Variants in ZFHX2 observed in about 807,000 individuals in gnomAD.
ZFHX2 encodes zinc finger homeobox protein 2.
A neutral mutation model predicts 164.8 loss-of-function variants in ZFHX2; 75 were observed. That is an observed-to-expected ratio of 0.46 (90% CI 0.38 to 0.55). The LOEUF is 0.55. Among genes scored for constraint, ZFHX2 ranks in the 20% least tolerant of loss-of-function variants. ZFHX2 has a pLI of 0.00. For synonymous variants in ZFHX2, 1,217 were observed against 1,351.4 expected, an observed-to-expected ratio of 0.90 and a Z score of 2.18; for missense variants, 2,933 against 3,308.0, an observed-to-expected ratio of 0.89 and a Z score of 2.78.
At chr14:23,545,561 AC>A (rs1881304414) in intron 1 of ZFHX2, among the ~76,000 whole-genome samples, 1 of 152,064 alleles carries the variant, frequency 6.6e-6, no homozygotes, top group Non-Finnish European at 1.5e-5. Context: ...TCTTTCCAGA[AC>A]CTCTTTCTCA....
intron 1 of ZFHX2, among the ~76,000 whole-genome samples, chr14:23,536,038 C>T (rs1880107005): frequency 6.6e-6 from 1 of 152,192 alleles, no homozygotes; most frequent in African/African-American, 2.4e-5. Flanking sequence ...TCAACAGCAA[C>T]TTCTAAAACA....
In ZFHX2 at chr14:23,527,709, T is replaced by A; in HGVS notation, c.3030A>T (p.Arg1010Ser). The A allele has an allele frequency of 6.5e-7, 1 of 1,536,200 alleles. No individual in the cohort carries two copies. Among genetic ancestry groups the A allele is most frequent in the Non-Finnish European group, 8.7e-7 (1 of 1,146,916 alleles). ...LSQHAVQPKY[R>S]CPLCQEQLVG... Reference sequence around the variant, plus strand: ...CCAGCTGTTCCTGGCACAGTGGGCATCTGTACTTGGGCTGCACTGCATGCT... The same window carrying A: ...CCAGCTGTTCCTGGCACAGTGGGCAACTGTACTTGGGCTGCACTGCATGCT... Residue 1010 changes from arginine to serine, a missense_variant, in exon 7 of 10, where the codon AGA becomes AGT. Transcript: ENST00000419474.
At chr14:23,545,338 C>T (rs1396466350) in intron 1 of ZFHX2, among the ~76,000 whole-genome samples, 3 of 152,226 alleles carry the variant, frequency 2.0e-5, no homozygotes, top group South Asian at 4.1e-4. Flanking sequence ...CACAACCACT[C>T]GTCCGCCCTC....
In ZFHX2 at chr14:23,524,480, G is replaced by T; in HGVS notation, c.5462C>A (p.Ala1821Asp). ...AGGTGGACCTGGCATTGGTGAGGTG[G>T]CTGCCACCAGGGGGTTTCTCTCCCC... Reference protein sequence around the residue: ...VFGERNPLVAATSPMPGPPLK... With the variant: ...VFGERNPLVADTSPMPGPPLK... Residue 1821 changes from alanine to aspartate, a missense_variant, in exon 9 of 10, where the codon GCC becomes GAC. Transcript: ENST00000419474. The surrounding 1 kb of genome is among the most constrained non-coding windows in gnomAD (Gnocchi z 5.6). The T allele has an allele frequency of 6.5e-7, 1 of 1,531,770 alleles. No homozygotes were observed. The highest frequency in any genetic ancestry group is 1.2e-5 in the South Asian group (1 of 83,272). 94.9% of individuals were successfully genotyped at this position (1,531,770 alleles called of 1,614,324 possible). A position where few individuals can be genotyped will look rare whatever the true frequency, so the allele number is the denominator to read the frequency against.
chr14:23,530,615 AGAG>A (rs1879417203), intron 4 of ZFHX2: 1 of 370,868 alleles, frequency 2.7e-6, no homozygotes, highest in East Asian at 7.2e-5. Flanking sequence ...TCTAGCTGGA[AGAG>A]GAGATTACCG....
upstream of ZFHX2, among the ~76,000 whole-genome samples, chr14:23,553,730 T>TAAAATTACA (rs1337544998): frequency 4.0e-5 from 6 of 148,216 alleles, no homozygotes; most frequent in African/African-American, 1.5e-4. Flanking sequence ...CCATCTCTAC[T>TAAAATTACA]AAAATTACAA....
rs1348999933 is a variant in ZFHX2, at chr14:23,526,020, TCTC to T, written c.3919_3921del (p.Glu1307del). The T allele has an allele frequency of 2.0e-6, 3 of 1,535,452 alleles. No homozygotes were observed. Among genetic ancestry groups the T allele is most frequent in the Non-Finnish European group, 2.6e-6 (3 of 1,146,438 alleles). ...AAGCCACTGGTGTCAGGGCCCTTCT[TCTC>T]AGTGCCCACCTCCCCCTCTGTCTCG... On this transcript the variant is annotated inframe_deletion, in exon 9 of 10. Transcript: ENST00000419474.
At position 23,532,801 on chromosome 14, in the gene ZFHX2, G is replaced by A. The variant is rs1293837103; in HGVS notation, c.2325C>T (p.Leu775=). The change falls in exon 3 of 10, where the codon CTC becomes CTT. Residue 775 remains leucine, a synonymous_variant. Transcript: ENST00000419474. Reference sequence around the variant, plus strand: ...GAGCATGTTTGTCAGTCTTGAGGTGGAGTTGGAAGTTGGCCTTGAGCTGGG... The same window carrying A: ...GAGCATGTTTGTCAGTCTTGAGGTGAAGTTGGAAGTTGGCCTTGAGCTGGG... ...YGTQLKANFQ[L]HLKTDKHAQK... The A allele has an allele frequency of 1.3e-6, 2 of 1,536,448 alleles. No homozygotes were observed. Among genetic ancestry groups the A allele is most frequent in the Non-Finnish European group, 1.7e-6 (2 of 1,147,032 alleles).
intron 8 of ZFHX2, 67 bp from the exon 9 acceptor site, chr14:23,526,746 T>A: frequency 1.3e-6 from 2 of 1,533,372 alleles, no homozygotes; most frequent in Non-Finnish European, 8.7e-7. Context: ...ACCCACTCAA[T>A]ACCAAGGCAG....
rs775021793 is a variant in ZFHX2 at position 23,522,938 on chromosome 14, G to A, written c.6743C>T (p.Pro2248Leu). The change falls in exon 10 of 10, where the codon CCG becomes CTG. Residue 2248 changes from proline (P) to leucine (L), a missense_variant. Coordinates refer to ENST00000419474, the MANE Select transcript of ZFHX2 (RefSeq NM_033400.3). Reference sequence around the variant, plus strand: ...GCCGAGGAGGCCTGAGGAGGCTGCCGGGCCTAGAAAGGTGAAAGGAAGGAT... The same window carrying A: ...GCCGAGGAGGCCTGAGGAGGCTGCCAGGCCTAGAAAGGTGAAAGGAAGGAT... ...LGNLAPFNSGPAASSGLLGLA... is the reference protein window; with the variant it reads ...LGNLAPFNSGLAASSGLLGLA... 149 of 1,441,088 alleles carry A rather than the reference G, an allele frequency of 1.0e-4. No individual in the cohort carries two copies. Among genetic ancestry groups the A allele is most frequent in the African/African-American group, 1.3e-4 (9 of 69,790 alleles). The allele number at this position is 1,441,088 out of a possible 1,614,324, so 89.3% of individuals were successfully genotyped here. A position where few individuals can be genotyped will look rare whatever the true frequency, so the allele number is the denominator to read the frequency against.
At position 23,526,515 on chromosome 14, in the gene ZFHX2, G is replaced by A. The variant is rs1158541230; in HGVS notation, c.3427C>T (p.Pro1143Ser). The part of the protein sequence containing the change: ...PDAQAEDVAP[P>S]PTMAEEEEGT... Reference sequence around the variant, plus strand: ...TCTTCCTCCTCAGCCATGGTGGGCGGAGGAGCTACGTCTTCAGCTTGGGCA... The same window carrying A: ...TCTTCCTCCTCAGCCATGGTGGGCGAAGGAGCTACGTCTTCAGCTTGGGCA... Residue 1143 changes from proline (P) to serine (S), a missense_variant, in exon 9 of 10, where the codon CCG becomes TCG. Coordinates refer to ENST00000419474, the MANE Select transcript of ZFHX2 (RefSeq NM_033400.3). 9 of 1,535,908 alleles carry A rather than the reference G, an allele frequency of 5.9e-6. No homozygotes were observed. The highest frequency in any genetic ancestry group is 1.4e-5 in the African/African-American group (1 of 72,956).
At chr14:23,548,797 C>T (rs538492613) in intron 1 of ZFHX2, among the ~76,000 whole-genome samples, 2 of 152,290 alleles carry the variant, frequency 1.3e-5, no homozygotes, top group Middle Eastern at 3.4e-3. Context: ...TCTGGGGCTT[C>T]GCCCAGTGGT....
At chr14:23,555,550 C>T (rs969653569), upstream of ZFHX2, among the ~76,000 whole-genome samples, 20 of 152,154 alleles carry the variant, frequency 1.3e-4, no homozygotes, top group Admixed American at 1.3e-3. Context: ...GCCAAAATAC[C>T]ACTTTATTCT....
upstream of ZFHX2, among the ~76,000 whole-genome samples, chr14:23,554,539 G>A (rs1882201730): frequency 6.7e-6 from 1 of 148,174 alleles, no homozygotes; most frequent in Admixed American, 6.8e-5. Context: ...ACCACACCCG[G>A]CTAATTAAAA....
At position 23,525,084 on chromosome 14, in the gene ZFHX2, G is replaced by A. The variant is rs1221043868; in HGVS notation, c.4858C>T (p.Pro1620Ser). 11 of 1,536,074 alleles carry A rather than the reference G, an allele frequency of 7.2e-6. No individual in the cohort carries two copies. Among genetic ancestry groups the A allele is most frequent in the Non-Finnish European group, 9.6e-6 (11 of 1,146,938 alleles). Residue 1620 changes from proline to serine, a missense_variant, in exon 9 of 10, where the codon CCC (proline) becomes TCC (serine). Coordinates refer to ENST00000419474, the MANE Select transcript of ZFHX2 (RefSeq NM_033400.3). This position sits in a 1 kb window ranked among gnomAD's most constrained non-coding sequence, Gnocchi z 5.9. ...AGTCGCTCCACCTCTCCGTCTTTGG[G>A]GTAGGCGCTAGTCTCAAAGAAAGAC... is the stretch of plus-strand genomic sequence containing the variant. Reference protein sequence around the residue: ...LQSFFETSAYPKDGEVERLAS... With the variant: ...LQSFFETSAYSKDGEVERLAS...
At chr14:23,531,356 T>TTTAG (rs1879527128) in intron 4 of ZFHX2, 125 bp downstream of exon 4, 6 of 1,272,818 alleles carry the variant, frequency 4.7e-6, no homozygotes, top group Non-Finnish European at 6.0e-6. Flanking sequence ...CTTCTTCCCA[T>TTTAG]TTAGTATAGG....
chr14:23,522,104 G>C lies in ZFHX2; in HGVS notation c.7577C>G (p.Pro2526Arg). The C allele has an allele frequency of 6.5e-7, 1 of 1,535,400 alleles. No individual in the cohort carries two copies. Among genetic ancestry groups the C allele is most frequent in the Non-Finnish European group, 8.7e-7 (1 of 1,146,372 alleles). The change falls in exon 10 of 10, where the codon CCT becomes CGT. Residue 2526 changes from proline to arginine, a missense_variant. Coordinates refer to ENST00000419474, the MANE Select transcript of ZFHX2 (RefSeq NM_033400.3). ...GATGGAGATGGGTGGGCCCCCTTGA[G>C]GTGGGGCTGCCTTGCGCCTGTGGGC... ...SSAHRRKAAP[P>R]QGGPPISITN...
intron 1 of ZFHX2, among the ~76,000 whole-genome samples, chr14:23,544,729 T>TTA (rs1881201598): frequency 6.6e-6 from 1 of 152,130 alleles, no homozygotes; most frequent in Non-Finnish European, 1.5e-5. Flanking sequence ...CTGCCTCTAA[T>TTA]GGCGCTAACC....
At position 23,531,734 on chromosome 14, in the gene ZFHX2, G is replaced by C; in HGVS notation, c.2560-13C>G. ...TGTCCAGCAGAAACTAGAACCATGGGAAGAGGCTGGCTCAGGCCCAGAAGG... is the reference window on the plus strand; with the variant it reads ...TGTCCAGCAGAAACTAGAACCATGGCAAGAGGCTGGCTCAGGCCCAGAAGG... On this transcript the variant is annotated splice_polypyrimidine_tract_variant and intron_variant, in intron 3 of 9. Transcript: ENST00000419474. 7.5e-7 allele frequency: 1 copy of C among 1,327,752 alleles called. No individual in the cohort carries two copies. Among genetic ancestry groups the C allele is most frequent in the Non-Finnish European group, 9.7e-7 (1 of 1,035,838 alleles). 82.2% of individuals were successfully genotyped at this position (1,327,752 alleles called of 1,614,324 possible).
Sources: allele counts gnomAD v4.1 joint callset (sites outside exome capture counted in the v4.1 genomes callset), GRCh38; gene constraint gnomAD v4.1.1; non-coding constraint Gnocchi (gnomAD v3.1); transcripts MANE v1.5; gene names NCBI Gene and HGNC (gene_info 2026-07-23, HGNC 2026-07-21).